The following GNA14 variants were observed in gnomAD, a reference collection of about 807,000 sequenced individuals.
The protein encoded by GNA14 is guanine nucleotide-binding protein subunit alpha-14.
A neutral mutation model predicts 42.0 loss-of-function variants in GNA14; 50 were observed. The observed-to-expected ratio is 1.19, with a 90% CI of 0.95 to 1.51. The LOEUF is 1.51. GNA14 is among the 40% of genes most tolerant of loss of function. The pLI, the probability that GNA14 is intolerant of heterozygous loss-of-function variation, is 0.00. For synonymous variants in GNA14, 173 were observed against 163.1 expected, an observed-to-expected ratio of 1.06 and a Z score of -0.46; for missense variants, 473 against 446.2, an observed-to-expected ratio of 1.06 and a Z score of -0.54.
Position 77,481,471 on chromosome 9 carries a change from C to G in GNA14, c.310-46949G>C, listed in dbSNP as rs9722435. ...GCTGAGGAGTGCTTTACTTCCAACT[C>G]TGTGGTCAATTTTGGAATAATTGTG... On this transcript the variant is annotated intron_variant, in intron 2 of 6. Coordinates refer to ENST00000341700, the MANE Select transcript of GNA14 (RefSeq NM_004297.4). 3.0e-3 allele frequency among the ~76,000 whole-genome samples: 449 copies of G among 151,962 alleles called. 6 individuals carry two copies. Among genetic ancestry groups the G allele is most frequent in the African/African-American group, 0.01 (415 of 41,410 alleles).
intron 2 of GNA14, among the ~76,000 whole-genome samples, chr9:77,467,913 A>C (rs1176289644): frequency 6.6e-6 from 1 of 151,990 alleles, no homozygotes; most frequent in African/African-American, 2.4e-5. Flanking sequence ...ATTAAAGCAC[A>C]CTCAGGGGCC....
intron 1 of GNA14, among the ~76,000 whole-genome samples, chr9:77,643,754 G>A (rs1203897904): frequency 1.3e-5 from 2 of 152,122 alleles, no homozygotes; most frequent in African/African-American, 2.4e-5. Context: ...GAAACTCAAA[G>A]TAAAACATTT....
intron 1 of GNA14, among the ~76,000 whole-genome samples, chr9:77,638,251 C>A (rs1824212228): frequency 1.3e-5 from 2 of 152,202 alleles, no homozygotes; most frequent in Non-Finnish European, 2.9e-5. Flanking sequence ...GATAGCACAG[C>A]CCCACTCTCA....
intron 1 of GNA14, among the ~76,000 whole-genome samples, chr9:77,534,452 T>C (rs752673359): frequency 1.5e-4 from 23 of 152,202 alleles, no homozygotes; most frequent in Non-Finnish European, 2.2e-4. Context: ...AGAAAGCCAA[T>C]TGTTCTAATG....
At chr9:77,514,383 A>G (rs1014941897) in intron 2 of GNA14, among the ~76,000 whole-genome samples, 1 of 152,138 alleles carries the variant, frequency 6.6e-6, no homozygotes, top group African/African-American at 2.4e-5. Context: ...CAGCGTCTTA[A>G]TATCATTGAC....
At chr9:77,592,008 G>A (rs112468341) in intron 1 of GNA14, among the ~76,000 whole-genome samples, 21 of 149,600 alleles carry the variant, frequency 1.4e-4, no homozygotes, top group East Asian at 1.2e-3. Context: ...TCCGCTTCCC[G>A]GGTTCATGCC....
At chr9:77,573,349 T>C (rs1238073873) in intron 1 of GNA14, among the ~76,000 whole-genome samples, 1 of 151,972 alleles carries the variant, frequency 6.6e-6, no homozygotes, top group African/African-American at 2.4e-5. Context: ...CTCAGGAAGC[T>C]GAGGCAGGAG....
chr9:77,624,946 A>G (rs555581986), intron 1 of GNA14, among the ~76,000 whole-genome samples: 1 of 152,104 alleles, frequency 6.6e-6, no homozygotes, highest in African/African-American at 2.4e-5. Context: ...GTGGGTAATA[A>G]CAAACTCCTC....
intron 2 of GNA14, among the ~76,000 whole-genome samples, chr9:77,473,689 G>A (rs1836370876): frequency 6.8e-6 from 1 of 146,732 alleles, no homozygotes; most frequent in East Asian, 2.0e-4. Flanking sequence ...AACCAGAATA[G>A]CCAAAACAAG....
chr9:77,620,085 T>C (rs1048797099), intron 1 of GNA14, among the ~76,000 whole-genome samples: 21 of 151,628 alleles, frequency 1.4e-4, no homozygotes, highest in East Asian at 9.7e-4. Context: ...TACGTGTGTG[T>C]GCACACACAC....
intron 2 of GNA14, among the ~76,000 whole-genome samples, chr9:77,467,809 A>C (rs901082810): frequency 1.3e-5 from 2 of 151,950 alleles, no homozygotes; most frequent in Non-Finnish European, 2.9e-5. Context: ...CTTATGCTCT[A>C]CAAGTGGGTA....
At chr9:77,522,154 C>T (rs377111547) in intron 2 of GNA14, among the ~76,000 whole-genome samples, 46 of 152,274 alleles carry the variant, frequency 3.0e-4, no homozygotes, top group African/African-American at 9.9e-4. Context: ...ACAAAGCCTA[C>T]GCTTTCAACC....
intron 1 of GNA14, among the ~76,000 whole-genome samples, chr9:77,577,432 A>G (rs1823146010): frequency 6.6e-6 from 1 of 152,186 alleles, no homozygotes; most frequent in African/African-American, 2.4e-5. Context: ...ATCTATATCG[A>G]TATTTAACAA....
intron 1 of GNA14, among the ~76,000 whole-genome samples, chr9:77,638,186 A>G (rs879770903): frequency 2.6e-5 from 4 of 152,194 alleles, no homozygotes; most frequent in Non-Finnish European, 5.9e-5. Context: ...TCCAGTCATT[A>G]TTAAAACATT....
At chr9:77,516,338 A>T (rs1837257422) in intron 2 of GNA14, among the ~76,000 whole-genome samples, 1 of 152,216 alleles carries the variant, frequency 6.6e-6, no homozygotes, top group South Asian at 2.1e-4. Flanking sequence ...ATTATTTGGC[A>T]TTATCAGTCA....
At chr9:77,519,685 G>A (rs1213794563) in intron 2 of GNA14, among the ~76,000 whole-genome samples, 1 of 152,096 alleles carries the variant, frequency 6.6e-6, no homozygotes, top group African/African-American at 2.4e-5. Context: ...ATTACTTAAT[G>A]GGTACAATGT....
intron 1 of GNA14, among the ~76,000 whole-genome samples, chr9:77,622,903 A>C (rs57109045): frequency 0.019 from 2,620 of 140,674 alleles, 99 homozygotes; most frequent in African/African-American, 0.066. Context: ...CAAAAAAAAA[A>C]AAAAAGAAAA....
intron 1 of GNA14, among the ~76,000 whole-genome samples, chr9:77,618,601 TATATATATATATATATATA>T (rs1450279230): frequency 1.7e-3 from 24 of 14,200 alleles, no homozygotes; most frequent in East Asian, 8.3e-3. Context: ...TATATATATA[TATATATATATATATATATA>T]TTTTTTTTTT....
intron 2 of GNA14, among the ~76,000 whole-genome samples, chr9:77,478,643 A>G (rs1836481562): frequency 6.6e-6 from 1 of 152,174 alleles, no homozygotes; most frequent in Non-Finnish European, 1.5e-5. Context: ...GAGTCCCACC[A>G]ACAGTATAAA....
Sources: allele counts gnomAD v4.1 joint callset (sites outside exome capture counted in the v4.1 genomes callset), GRCh38; gene constraint gnomAD v4.1.1; transcripts MANE v1.5; gene names NCBI Gene and HGNC (gene_info 2026-07-23, HGNC 2026-07-21).